The following DCUN1D3 variants were observed in gnomAD, a reference collection of about 807,000 sequenced individuals.
DCUN1D3 encodes DCN1-like protein 3.
In DCUN1D3, 6 loss-of-function variants were observed where a neutral mutation model predicts 24.8. The ratio of observed to expected loss-of-function variants is 0.24; its 90% CI spans 0.13 to 0.48. DCUN1D3 has a LOEUF of 0.48. Among genes scored for constraint, DCUN1D3 ranks in the 20% least tolerant of loss-of-function variants. The pLI is 0.99. For missense variants in DCUN1D3, 258 were observed against 379.4 expected (o/e 0.68, Z 2.66); for synonymous variants, 120 against 144.9 (o/e 0.83, Z 1.24).
Position 20,877,402 on chromosome 16 carries a change from G to A in DCUN1D3, c.-105-14759C>T, listed in dbSNP as rs528626842. Among the ~76,000 whole-genome samples, 12 of 152,176 alleles carry A rather than the reference G, an allele frequency of 7.9e-5. No homozygotes were observed. The East Asian group carries it at 1.2e-3, about 15-fold the overall frequency. On this transcript the variant is annotated intron_variant, in intron 1 of 2. Transcript: ENST00000324344. ...GCACAACGCTGTTTTACTTCTTCAC[G>A]GCACTTACAACTCTGTGAAATTCTA...
rs1280337515 is a variant in DCUN1D3 at position 20,860,654 on chromosome 16, A to G, written c.432-285T>C. 6.6e-6 allele frequency among the ~76,000 whole-genome samples: 1 copy of G among 152,102 alleles called. No individual in the cohort carries two copies. The highest frequency in any genetic ancestry group is 1.5e-5 in the Non-Finnish European group (1 of 68,024). ...ATTTATTCATTCATTCATCTTCCCAAAGCTAAACTCAAGTCTCCTGCTCCC... is the reference window on the plus strand; with the variant it reads ...ATTTATTCATTCATTCATCTTCCCAGAGCTAAACTCAAGTCTCCTGCTCCC... On this transcript the variant is annotated intron_variant, in intron 2 of 2. Coordinates refer to ENST00000324344, the MANE Select transcript of DCUN1D3 (RefSeq NM_173475.4). The surrounding 1 kb of genome is among the most constrained non-coding windows in gnomAD (Gnocchi z 4.3).
chr16:20,886,363 TC>T (rs1301012955), intron 1 of DCUN1D3, among the ~76,000 whole-genome samples: 1 of 152,126 alleles, frequency 6.6e-6, no homozygotes, highest in Non-Finnish European at 1.5e-5. Flanking sequence ...ATCTTTACCA[TC>T]CCATCTACTG....
intron 1 of DCUN1D3, among the ~76,000 whole-genome samples, chr16:20,892,143 C>T (rs1490463756): frequency 6.6e-6 from 1 of 152,138 alleles, no homozygotes; most frequent in African/African-American, 2.4e-5. Context: ...GCAGAATGCT[C>T]CTCACCGTGG....
Position 20,859,861 on chromosome 16 carries a change from T to C in DCUN1D3, c.*25A>G, listed in dbSNP as rs959045562. 1 of 1,562,554 alleles carries C rather than the reference T, an allele frequency of 6.4e-7. No homozygotes were observed. The highest frequency in any genetic ancestry group is 1.4e-5 in the African/African-American group (1 of 73,474). On this transcript the variant is annotated 3_prime_UTR_variant, in exon 3 of 3. Transcript: ENST00000324344. Reference sequence around the variant, plus strand: ...GGCTGCAGGGCAGCTGGCAGATCCTTGCTGCTGCTCCTGGGACAGAGCCAC... The same window carrying C: ...GGCTGCAGGGCAGCTGGCAGATCCTCGCTGCTGCTCCTGGGACAGAGCCAC...
chr16:20,893,420 G>A (rs946863387), intron 1 of DCUN1D3, among the ~76,000 whole-genome samples: 3 of 152,102 alleles, frequency 2.0e-5, no homozygotes, highest in South Asian at 2.1e-4. Context: ...AGATTCTCCC[G>A]TCTAAGCCTC....
chr16:20,858,825 C>A lies in DCUN1D3; in HGVS notation c.*1061G>T. On this transcript the variant is annotated 3_prime_UTR_variant, in exon 3 of 3. Transcript: ENST00000324344. Reference sequence around the variant, plus strand: ...GCCAGACAAGTAAGCTGATGATATTCAAAGAAAAAAATAAAAATATTAAAA... The same window carrying A: ...GCCAGACAAGTAAGCTGATGATATTAAAAGAAAAAAATAAAAATATTAAAA... The A allele has an allele frequency of 1.6e-5, 2 of 125,864 alleles. No homozygotes were observed. Among genetic ancestry groups the A allele is most frequent in the African/African-American group, 6.1e-5 (2 of 32,686 alleles). 7.8% of individuals were successfully genotyped at this position (125,864 alleles called of 1,614,324 possible). A position where few individuals can be genotyped will look rare whatever the true frequency, so the allele number is the denominator to read the frequency against.
At chr16:20,881,136 T>A (rs980265546) in intron 1 of DCUN1D3, among the ~76,000 whole-genome samples, 6 of 152,168 alleles carry the variant, frequency 3.9e-5, no homozygotes, top group Non-Finnish European at 5.9e-5. Context: ...CCTTACCCAA[T>A]GCACACATAT....
At chr16:20,861,190 G>C (rs1374510559) in intron 2 of DCUN1D3, among the ~76,000 whole-genome samples, 1 of 152,226 alleles carries the variant, frequency 6.6e-6, no homozygotes, top group Non-Finnish European at 1.5e-5. Flanking sequence ...CACAGGCCTG[G>C]CTGAGGGCGG....
chr16:20,871,312 C>A (rs1008852370), intron 1 of DCUN1D3, among the ~76,000 whole-genome samples: 1 of 152,014 alleles, frequency 6.6e-6, no homozygotes, highest in Non-Finnish European at 1.5e-5. Flanking sequence ...TGGGGAGGAA[C>A]CCATGACTTT....
rs138461061 is a variant in DCUN1D3 at position 20,861,465 on chromosome 16, T to C, written c.431+643A>G. 8.5e-4 allele frequency among the ~76,000 whole-genome samples: 116 copies of C among 135,806 alleles called. 1 individual carries two copies. The highest frequency in any genetic ancestry group is 0.01 in the Middle Eastern group (2 of 198). 89.1% of individuals were successfully genotyped at this position (135,806 alleles called of 152,430 possible). ...AAGTGGCTTCATGGAGGGAGAGAGG[T>C]GTATCCCCTCCCCAGAGGCACTTAC... On this transcript the variant is annotated intron_variant, in intron 2 of 2. Coordinates refer to ENST00000324344, the MANE Select transcript of DCUN1D3 (RefSeq NM_173475.4).
intron 1 of DCUN1D3, among the ~76,000 whole-genome samples, chr16:20,892,176 T>C (rs976664105): frequency 1.2e-4 from 19 of 152,226 alleles, no homozygotes; most frequent in Non-Finnish European, 2.8e-4. Context: ...CCAACTGTTT[T>C]GAGTAAATGA....
chr16:20,877,442 T>C (rs752987345), intron 1 of DCUN1D3, among the ~76,000 whole-genome samples: 1 of 152,214 alleles, frequency 6.6e-6, no homozygotes, highest in Non-Finnish European at 1.5e-5. Flanking sequence ...GCTGACTTAT[T>C]TATTGCCTGC....
chr16:20,869,140 G>C (rs1229522445), intron 1 of DCUN1D3, among the ~76,000 whole-genome samples: 1 of 152,266 alleles, frequency 6.6e-6, no homozygotes, highest in South Asian at 2.1e-4. Context: ...AGAGGCTGCA[G>C]TCCCTGGGTT....
rs1374196792 is a variant in DCUN1D3 at position 20,893,321 on chromosome 16, C to T, written c.-106+6883G>A. ...CCAAGCAGGTGACACTACAGGTGCA[C>T]ACCACCACGCCCAGCTCCTTTCCCT... On this transcript the variant is annotated intron_variant, in intron 1 of 2. Transcript: ENST00000324344. Among the ~76,000 whole-genome samples, 7 of 152,082 alleles carry T rather than the reference C, an allele frequency of 4.6e-5. No individual in the cohort carries two copies. The East Asian group carries it at 1.2e-3, about 25-fold the overall frequency.
At chr16:20,863,129 T>C (rs2081742286) in intron 1 of DCUN1D3, among the ~76,000 whole-genome samples, 1 of 152,196 alleles carries the variant, frequency 6.6e-6, no homozygotes, top group Non-Finnish European at 1.5e-5. Flanking sequence ...CATAATGCCC[T>C]AATGATGAGG....
chr16:20,868,878 T>C (rs1273133901), intron 1 of DCUN1D3: 2 of 152,236 alleles, frequency 1.3e-5, no homozygotes, highest in Non-Finnish European at 2.9e-5. Flanking sequence ...TTTCTACTTA[T>C]AGCTTTGAGT....
At chr16:20,895,014 A>C (rs533524442) in intron 1 of DCUN1D3, among the ~76,000 whole-genome samples, 2 of 152,286 alleles carry the variant, frequency 1.3e-5, no homozygotes, top group Non-Finnish European at 2.9e-5. Context: ...GAAAAAAAAA[A>C]CCTAATAACA....
chr16:20,866,179 C>G (rs867919640), intron 1 of DCUN1D3, among the ~76,000 whole-genome samples: 1 of 152,128 alleles, frequency 6.6e-6, no homozygotes, highest in South Asian at 2.1e-4. Context: ...AGCAACTGTG[C>G]GAGCTGAATT....
intron 1 of DCUN1D3, among the ~76,000 whole-genome samples, chr16:20,882,078 GGCATGA>G (rs754790528): frequency 4.6e-5 from 7 of 151,950 alleles, no homozygotes; most frequent in Non-Finnish European, 1.0e-4. Flanking sequence ...TGGGATTACA[GGCATGA>G]GCCACCGTGC....
Sources: allele counts gnomAD v4.1 joint callset (sites outside exome capture counted in the v4.1 genomes callset), GRCh38; gene constraint gnomAD v4.1.1; non-coding constraint Gnocchi (gnomAD v3.1); transcripts MANE v1.5; gene names NCBI Gene and HGNC (gene_info 2026-07-23, HGNC 2026-07-21).